Variants in MYB observed in about 807,000 individuals in gnomAD.
The protein encoded by MYB is transcriptional activator Myb.
A neutral mutation model predicts 92.9 loss-of-function variants in MYB; 28 were observed. That is an observed-to-expected ratio of 0.30 (90% CI 0.22 to 0.41). MYB has a LOEUF of 0.41. Ranked by LOEUF, MYB falls within the 10% of genes least tolerant of loss-of-function variation. MYB has a pLI of 1.00. For synonymous variants in MYB, 295 were observed against 329.1 expected, an observed-to-expected ratio of 0.90 and a Z score of 1.12; for missense variants, 679 against 929.3, an observed-to-expected ratio of 0.73 and a Z score of 3.50.
chr6:135,200,422 AC>A lies in MYB; in HGVS notation c.1950+8del. ...GAAGAAAATCAAACAAGAGGTAAACACGCAACCCTTTGGAAGCAACAAGCTG... is the reference window on the plus strand; with the variant it reads ...GAAGAAAATCAAACAAGAGGTAAACAGCAACCCTTTGGAAGCAACAAGCTG... On this transcript the variant is annotated splice_region_variant and intron_variant, in intron 13 of 15. Coordinates refer to ENST00000341911, the MANE Select transcript of MYB (RefSeq NM_001130173.2). 1.2e-6 allele frequency: 2 copies of A among 1,614,056 alleles called. No homozygotes were observed. Among genetic ancestry groups the A allele is most frequent in the Non-Finnish European group, 1.7e-6 (2 of 1,180,014 alleles).
chr6:135,189,637 G>A (rs1472190405), intron 3 of MYB, among the ~76,000 whole-genome samples, 154 bp from the exon 4 acceptor site: 3 of 152,208 alleles, frequency 2.0e-5, no homozygotes, highest in Non-Finnish European at 2.9e-5. Context: ...TCTGTAGCCT[G>A]TAAGTAATGA....
chr6:135,204,873 C>T (rs1025306475), intron 15 of MYB, among the ~76,000 whole-genome samples: 2 of 152,018 alleles, frequency 1.3e-5, no homozygotes, highest in Non-Finnish European at 2.9e-5. Context: ...TTTGGGAGGC[C>T]AAGGCGGGTG....
At chr6:135,202,816 A>T (rs1778317187) in intron 14 of MYB, 1 of 414,836 alleles carries the variant, frequency 2.4e-6, no homozygotes, top group South Asian at 1.9e-5. Flanking sequence ...ACTTTTCACC[A>T]TTTTTTGCCA....
At chr6:135,210,015 C>T (rs774300781) in intron 15 of MYB, among the ~76,000 whole-genome samples, 6 of 152,224 alleles carry the variant, frequency 3.9e-5, no homozygotes, top group Non-Finnish European at 7.3e-5. Context: ...GGATTCTGCC[C>T]TTCAGTAGTT....
intron 8 of MYB, chr6:135,194,983 T>C: frequency 3.0e-6 from 4 of 1,340,394 alleles, no homozygotes; most frequent in Non-Finnish European, 3.9e-6. Context: ...TACTGAATTC[T>C]GACATCTTTA....
intron 15 of MYB, among the ~76,000 whole-genome samples, chr6:135,210,850 A>G (rs778579697): frequency 1.3e-5 from 2 of 152,228 alleles, no homozygotes; most frequent in African/African-American, 2.4e-5. Context: ...GAGTCGCCAC[A>G]TAGTCCCTGT....
Position 135,190,439 on chromosome 6 carries a change from T to G in MYB, c.527+92T>G. ...TAAATGTATGGTGAGTAAATTATATTTCATCAGTCGTAAGTGTTTTATTAG... is the reference window on the plus strand; with the variant it reads ...TAAATGTATGGTGAGTAAATTATATGTCATCAGTCGTAAGTGTTTTATTAG... On this transcript the variant is annotated intron_variant, in intron 5 of 15. Transcript: ENST00000341911. The surrounding 1 kb of genome is among the most constrained non-coding windows in gnomAD (Gnocchi z 4.5). 1 of 971,810 alleles carries G rather than the reference T, an allele frequency of 1.0e-6. No homozygotes were observed. Among genetic ancestry groups the G allele is most frequent in the East Asian group, 2.6e-5 (1 of 38,828 alleles). 60.2% of individuals were successfully genotyped at this position (971,810 alleles called of 1,614,324 possible). A position where few individuals can be genotyped will look rare whatever the true frequency, so the allele number is the denominator to read the frequency against.
chr6:135,199,188 A>G (rs1777729935), intron 11 of MYB, 138 bp downstream of exon 11: 1 of 688,754 alleles, frequency 1.5e-6, no homozygotes, highest in Non-Finnish European at 2.3e-6. Flanking sequence ...GTCTATTCCC[A>G]CATTGAATAT....
At chr6:135,196,109 T>C in intron 9 of MYB, 107 bp downstream of exon 9, 1 of 1,140,990 alleles carries the variant, frequency 8.8e-7, no homozygotes, top group African/African-American at 1.6e-5. Context: ...TAGCATATAT[T>C]AATGTAAAGG....
At position 135,217,960 on chromosome 6, in the gene MYB, G is replaced by T; in HGVS notation, c.2266G>T (p.Ala756Ser). The T allele has an allele frequency of 6.2e-7, 1 of 1,610,086 alleles. No homozygotes were observed. ...QARKYVNAFS[A>S]RTLVM ...TCGTAAATACGTGAATGCATTCTCAGCCCGGACGCTGGTCATGTGAGACAT... is the reference window on the plus strand; with the variant it reads ...TCGTAAATACGTGAATGCATTCTCATCCCGGACGCTGGTCATGTGAGACAT... Residue 756 changes from alanine (A) to serine (S), a missense_variant, in exon 16 of 16, where the codon GCC (alanine) becomes TCC (serine). Ala to Ser is a moderately conservative substitution (Grantham distance 99, BLOSUM62 1). Around this residue, in one of 8 missense-constraint regions of MYB, gnomAD observed 402 missense variants for 434.2 expected, o/e 0.93. Transcript: ENST00000341911.
Position 135,190,407 on chromosome 6 carries a change from TC to T in MYB, c.527+61del. The T allele has an allele frequency of 3.0e-6, 4 of 1,327,712 alleles. No homozygotes were observed. The highest frequency in any genetic ancestry group is 4.3e-6 in the Non-Finnish European group (4 of 934,500). 82.2% of individuals were successfully genotyped at this position (1,327,712 alleles called of 1,614,324 possible). A position where few individuals can be genotyped will look rare whatever the true frequency, so the allele number is the denominator to read the frequency against. On this transcript the variant is annotated intron_variant, in intron 5 of 15. Coordinates refer to ENST00000341911, the MANE Select transcript of MYB (RefSeq NM_001130173.2). The surrounding 1 kb of genome is among the most constrained non-coding windows in gnomAD (Gnocchi z 4.5). ...GAATGAGGGAGTGGGTATTGAACAT[TC>T]TGCTTTAAATGTATGGTGAGTAAAT... is the stretch of plus-strand genomic sequence containing the variant.
chr6:135,195,150 G>A lies in MYB; in HGVS notation c.949-598G>A, dbSNP rs550605460. ...GATGTTTATGTGCACATGCTAGTTC[G>A]ACCACTTTTTAACTTTAGTTAATGT... is the stretch of plus-strand genomic sequence containing the variant. On this transcript the variant is annotated intron_variant, in intron 8 of 15. Transcript: ENST00000341911. The A allele has an allele frequency of 6.7e-5, 77 of 1,148,628 alleles. No individual in the cohort carries two copies. The South Asian group carries it at 7.1e-4, about 11-fold the overall frequency. 71.2% of individuals were successfully genotyped at this position (1,148,628 alleles called of 1,614,324 possible). A position where few individuals can be genotyped will look rare whatever the true frequency, so the allele number is the denominator to read the frequency against.
At chr6:135,195,404 T>C in intron 8 of MYB, 1 of 281,790 alleles carries the variant, frequency 3.5e-6, no homozygotes, top group Non-Finnish European at 6.8e-6. Context: ...CTTCAGTTCT[T>C]CACTCACAGC....
At chr6:135,204,554 C>G (rs751755736) in intron 15 of MYB, among the ~76,000 whole-genome samples, 1 of 152,188 alleles carries the variant, frequency 6.6e-6, no homozygotes, top group Non-Finnish European at 1.5e-5. Context: ...CTGCCCACCT[C>G]GGCCTCCTAC....
In MYB at chr6:135,203,278, A is replaced by C; in HGVS notation, c.2123A>C (p.Lys708Thr). ...PASEDEDNVLKAFTVPKNRSL... is the reference protein window; with the variant it reads ...PASEDEDNVLTAFTVPKNRSL... ...TCAGAAGATGAAGACAATGTTCTCA[A>C]AGCATTTACAGTACCTAAAAACAGG... The change falls in exon 15 of 16, where the codon AAA becomes ACA. Residue 708 changes from lysine to threonine, a missense_variant. Transcript: ENST00000341911. The C allele has an allele frequency of 6.2e-7, 1 of 1,611,620 alleles. No homozygotes were observed. Among genetic ancestry groups the C allele is most frequent in the Non-Finnish European group, 8.5e-7 (1 of 1,177,700 alleles).
chr6:135,189,952 T>C (rs780215399), intron 4 of MYB, 69 bp downstream of exon 4: 153 of 1,511,832 alleles, frequency 1.0e-4, no homozygotes, highest in Non-Finnish European at 1.3e-4. Flanking sequence ...TATTTTCCTA[T>C]TTGAGGAAGC....
rs1439043737 is a variant in MYB at position 135,218,182 on chromosome 6, AAC to A, written c.*204_*205del. ...ACTAAAAGGATTTTTAAAAATAAAT[AAC>A]AGTCTTACCTAAATTATTAGGTAAT... On this transcript the variant is annotated 3_prime_UTR_variant, in exon 16 of 16. Transcript: ENST00000341911. The A allele has an allele frequency of 4.0e-6, 2 of 504,828 alleles. No homozygotes were observed. The highest frequency in any genetic ancestry group is 4.0e-5 in the African/African-American group (2 of 49,780). 31.3% of individuals were successfully genotyped at this position (504,828 alleles called of 1,614,324 possible).
rs112202961 is a variant in MYB at position 135,186,036 on chromosome 6, A to G, written c.141+16A>G. The stretch of plus-strand genomic sequence containing the variant: ...CCGGGAAGAGGTAACTAATCATTTT[A>G]TCAAGACGCAGAAAATAGATAGAGT... On this transcript the variant is annotated intron_variant, in intron 2 of 15. Coordinates refer to ENST00000341911, the MANE Select transcript of MYB (RefSeq NM_001130173.2). The G allele has an allele frequency of 5.8e-4, 929 of 1,598,702 alleles. 3 individuals carry two copies. The African/African-American group carries it at 0.011, about 19-fold the overall frequency.
intron 5 of MYB, among the ~76,000 whole-genome samples, chr6:135,192,029 A>G (rs540597494): frequency 6.6e-6 from 1 of 152,322 alleles, no homozygotes; most frequent in African/African-American, 2.4e-5. Context: ...GGTCAGAATA[A>G]ACATGAAGCG....
Sources: gnomAD v4.1 joint callset for allele counts (sites outside exome capture counted in the v4.1 genomes callset) on GRCh38, gnomAD v4.1.1 for gene constraint, gnomAD v4.1.1 regional missense constraint, Gnocchi (gnomAD v3.1) non-coding constraint, MANE v1.5 for transcripts, NCBI Gene and HGNC (gene_info 2026-07-23, HGNC 2026-07-21) for gene names.